ZNF395: variants seen among roughly 807,000 people sequenced by gnomAD.
ZNF395 encodes HD gene regulatory region-binding protein 2.
ZNF395 carries 20 observed loss-of-function variants against 57.7 expected under a neutral mutation model. The observed-to-expected ratio is 0.35, with a 90% CI of 0.24 to 0.50. The LOEUF is 0.50. ZNF395 is among the 20% of genes least tolerant of loss of function. The pLI, the probability that ZNF395 is intolerant of heterozygous loss-of-function variation, is 0.97. For missense variants in ZNF395, 606 were observed against 671.2 expected, an observed-to-expected ratio of 0.90 and a Z score of 1.07; for synonymous variants, 295 against 275.9, an observed-to-expected ratio of 1.07 and a Z score of -0.69.
chr8:28,371,547 G>A (rs1310794307), intron 1 of ZNF395, among the ~76,000 whole-genome samples: 2 of 152,180 alleles, frequency 1.3e-5, no homozygotes, highest in Non-Finnish European at 2.9e-5. Context: ...GACCAAACTA[G>A]ATGACCACAT....
chr8:28,360,152 C>T (rs1473173942), intron 2 of ZNF395, among the ~76,000 whole-genome samples: 1 of 152,220 alleles, frequency 6.6e-6, no homozygotes, highest in Non-Finnish European at 1.5e-5. Flanking sequence ...TCTGCTGGTG[C>T]CCAACTGCCA....
chr8:28,381,082 C>T (rs899949960), intron 1 of ZNF395, among the ~76,000 whole-genome samples: 1 of 151,810 alleles, frequency 6.6e-6, no homozygotes, highest in Non-Finnish European at 1.5e-5. Flanking sequence ...CGCTCTGTCG[C>T]CCAGGCTGGA....
rs756857786 is a variant in ZNF395 at position 28,350,130 on chromosome 8, G to A, written c.1260C>T (p.Val420=). ...TGACACTGGTGTAGATGTGTGGTGA[G>A]ACTGGGATCTGGAAGGATGGCAGAG... ...YQALPSFQIP[V]SPHIYTSVSW... is the part of the protein sequence containing the mutation. The change falls in exon 8 of 10, where the codon GTC becomes GTT. Residue 420 remains valine (V), a synonymous_variant. Coordinates refer to ENST00000344423, the MANE Select transcript of ZNF395 (RefSeq NM_018660.3). The A allele has an allele frequency of 2.7e-5, 44 of 1,607,646 alleles. No homozygotes were observed. The East Asian group carries it at 9.6e-4, about 35-fold the overall frequency.
intron 4 of ZNF395, among the ~76,000 whole-genome samples, chr8:28,355,560 G>C (rs749244930): frequency 6.6e-6 from 1 of 151,746 alleles, no homozygotes; most frequent in Non-Finnish European, 1.5e-5. Context: ...ATACCCTCAT[G>C]ATGGGAACTG....
Position 28,356,642 on chromosome 8 carries a change from A to G in ZNF395, c.583+28T>C, listed in dbSNP as rs1801783526. 6.3e-7 allele frequency: 1 copy of G among 1,588,954 alleles called. No individual in the cohort carries two copies. The highest frequency in any genetic ancestry group is 1.7e-5 in the Admixed American group (1 of 59,556). On this transcript the variant is annotated intron_variant, in intron 4 of 9. Coordinates refer to ENST00000344423, the MANE Select transcript of ZNF395 (RefSeq NM_018660.3). The surrounding 1 kb of genome is among the most constrained non-coding windows in gnomAD (Gnocchi z 4.0). The stretch of plus-strand genomic sequence containing the variant: ...TTTGTCGTGGGCCTCTACCATGCCC[A>G]GAACCCAGCTGGGCCCCGCTTGCTC...
At chr8:28,364,192 C>T (rs956180816) in intron 1 of ZNF395, among the ~76,000 whole-genome samples, 2 of 152,236 alleles carry the variant, frequency 1.3e-5, no homozygotes, top group East Asian at 1.9e-4. Context: ...AGCTGCACAA[C>T]TAGGAACTGC....
chr8:28,348,030 T>C lies in ZNF395; in HGVS notation c.*689A>G, dbSNP rs887303850. On this transcript the variant is annotated 3_prime_UTR_variant, in exon 10 of 10. Coordinates refer to ENST00000344423, the MANE Select transcript of ZNF395 (RefSeq NM_018660.3). Reference sequence around the variant, plus strand: ...GCTCAGCTATTTGGCGACAGTCTTTTAAAAAACCTCTTTCTCTGGGCTTTA... The same window carrying C: ...GCTCAGCTATTTGGCGACAGTCTTTCAAAAAACCTCTTTCTCTGGGCTTTA... 6.6e-6 allele frequency: 1 copy of C among 152,208 alleles called. No homozygotes were observed. The highest frequency in any genetic ancestry group is 6.5e-5 in the Admixed American group (1 of 15,280). 9.4% of individuals were successfully genotyped at this position (152,208 alleles called of 1,614,324 possible). A position where few individuals can be genotyped will look rare whatever the true frequency, so the allele number is the denominator to read the frequency against.
rs1801629729 is a variant in ZNF395 at position 28,348,090 on chromosome 8, C to G, written c.*629G>C. 1 of 152,004 alleles carries G rather than the reference C, an allele frequency of 6.6e-6. No individual in the cohort carries two copies. The highest frequency in any genetic ancestry group is 2.4e-5 in the African/African-American group (1 of 41,350). 9.4% of individuals were successfully genotyped at this position (152,004 alleles called of 1,614,324 possible). On this transcript the variant is annotated 3_prime_UTR_variant, in exon 10 of 10. Transcript: ENST00000344423. The stretch of plus-strand genomic sequence containing the variant: ...CATTTAATATTTGTTGGGGTGCAAC[C>G]CAATGTCTGAGGGAACCCAGATTTA...
At chr8:28,354,406 CAG>C (rs1801755259) in intron 4 of ZNF395, among the ~76,000 whole-genome samples, 6 of 152,216 alleles carry the variant, frequency 3.9e-5, no homozygotes, top group Admixed American at 3.9e-4. Context: ...CAACTCCCAA[CAG>C]GGGCGTTCCA....
intron 1 of ZNF395, among the ~76,000 whole-genome samples, chr8:28,379,860 C>CAAAAAAAAAAAAAA: frequency 7.8e-6 from 1 of 127,642 alleles, no homozygotes; most frequent in African/African-American, 4.8e-5. Flanking sequence ...AAAAAAAAAG[C>CAAAAAAAAAAAAAA]TGCATGCCTC....
chr8:28,348,686 G>C lies in ZNF395; in HGVS notation c.*33C>G, dbSNP rs1275817859. The C allele has an allele frequency of 6.3e-7, 1 of 1,595,956 alleles. No individual in the cohort carries two copies. The highest frequency in any genetic ancestry group is 1.1e-5 in the South Asian group (1 of 90,726). Reference sequence around the variant, plus strand: ...GGCCTCTTGTCAGTGGCTGCCGGCAGGGCCAGGAACAGAGTAGAACCTGCA... The same window carrying C: ...GGCCTCTTGTCAGTGGCTGCCGGCACGGCCAGGAACAGAGTAGAACCTGCA... On this transcript the variant is annotated 3_prime_UTR_variant, in exon 10 of 10. Coordinates refer to ENST00000344423, the MANE Select transcript of ZNF395 (RefSeq NM_018660.3).
intron 1 of ZNF395, among the ~76,000 whole-genome samples, chr8:28,373,539 G>A (rs1486001499): frequency 6.6e-6 from 1 of 152,182 alleles, no homozygotes; most frequent in Non-Finnish European, 1.5e-5. Context: ...GCAGCCTGGA[G>A]AAGAACCGCA....
intron 1 of ZNF395, chr8:28,365,652 T>C (rs186281064): frequency 6.6e-6 from 1 of 152,294 alleles, no homozygotes; most frequent in Non-Finnish European, 1.5e-5. Flanking sequence ...CAGGAAAGTT[T>C]TAAGGGGATA....
At position 28,352,508 on chromosome 8, in the gene ZNF395, G is replaced by C; in HGVS notation, c.920+65C>G. 1 of 1,435,854 alleles carries C rather than the reference G, an allele frequency of 7.0e-7. No individual in the cohort carries two copies. The highest frequency in any genetic ancestry group is 1.9e-4 in the Middle Eastern group (1 of 5,258). The allele number at this position is 1,435,854 out of a possible 1,614,324, so 88.9% of individuals were successfully genotyped here. On this transcript the variant is annotated intron_variant, in intron 6 of 9. Transcript: ENST00000344423. This position sits in a 1 kb window ranked among gnomAD's most constrained non-coding sequence, Gnocchi z 4.0. ...AGCACTGTGGGCTGTGGGTCACAGGGACTCGGCAGGGTGGAGGGACACCCA... is the reference window on the plus strand; with the variant it reads ...AGCACTGTGGGCTGTGGGTCACAGGCACTCGGCAGGGTGGAGGGACACCCA...
intron 1 of ZNF395, among the ~76,000 whole-genome samples, chr8:28,383,210 T>G (rs1802131246): frequency 6.6e-6 from 1 of 152,200 alleles, no homozygotes; most frequent in Non-Finnish European, 1.5e-5. Context: ...CTCAGCTCAT[T>G]CCACAACTTT....
chr8:28,369,763 C>T (rs1801955392), intron 1 of ZNF395, among the ~76,000 whole-genome samples: 1 of 152,248 alleles, frequency 6.6e-6, no homozygotes, highest in Non-Finnish European at 1.5e-5. Context: ...AGGGACTCAC[C>T]GGAACCCCCG....
At chr8:28,360,102 G>A (rs1218513196) in intron 2 of ZNF395, among the ~76,000 whole-genome samples, 1 of 152,210 alleles carries the variant, frequency 6.6e-6, no homozygotes, top group African/African-American at 2.4e-5. Context: ...TAGAATCTGT[G>A]CTCATCATCC....
intron 3 of ZNF395, among the ~76,000 whole-genome samples, chr8:28,357,741 C>G (rs1437721476): frequency 6.6e-6 from 1 of 152,230 alleles, no homozygotes; most frequent in East Asian, 1.9e-4. Context: ...ACTGAATACA[C>G]TATCACAAAT....
chr8:28,353,147 C>A (rs777988297), intron 5 of ZNF395, 26 bp downstream of exon 5: 1 of 1,608,878 alleles, frequency 6.2e-7, no homozygotes, highest in Non-Finnish European at 8.5e-7. Context: ...CCAGCCTGGG[C>A]TCCCACTCAC....
Sources: allele counts gnomAD v4.1 joint callset (sites outside exome capture counted in the v4.1 genomes callset), GRCh38; gene constraint gnomAD v4.1.1; non-coding constraint Gnocchi (gnomAD v3.1); transcripts MANE v1.5; gene names NCBI Gene and HGNC (gene_info 2026-07-23, HGNC 2026-07-21).